CDCA2: variants seen among roughly 807,000 people sequenced by gnomAD.
CDCA2 encodes the protein cell division cycle associated 2, also known as cell division cycle-associated protein 2.
CDCA2 carries 44 observed loss-of-function variants against 67.0 expected under a neutral mutation model. The ratio of observed to expected loss-of-function variants is 0.66; its 90% CI spans 0.52 to 0.84. The LOEUF is 0.84. Among genes scored for constraint, CDCA2 ranks in the 40% least tolerant of loss-of-function variants. The probability of loss-of-function intolerance (pLI) is 0.00; values close to 1 mark genes in which losing one functional copy is unlikely to be tolerated. For missense variants in CDCA2, 1,253 were observed against 1,203.2 expected (o/e 1.04, Z -0.61); for synonymous variants, 447 against 418.7 (o/e 1.07, Z -0.82).
At chr8:25,475,690 A>G (rs2117501470) in intron 7 of CDCA2, among the ~76,000 whole-genome samples, 1 of 152,236 alleles carries the variant, frequency 6.6e-6, no homozygotes, top group East Asian at 1.9e-4. Context: ...GGGAAGCTGG[A>G]CAGGGATTTT....
intron 13 of CDCA2, among the ~76,000 whole-genome samples, chr8:25,491,745 T>A (rs1563277907): frequency 6.6e-6 from 1 of 152,058 alleles, no homozygotes; most frequent in Non-Finnish European, 1.5e-5. Context: ...GCCTCTTGAG[T>A]AGCTGGGACT....
intron 14 of CDCA2, among the ~76,000 whole-genome samples, chr8:25,503,787 G>A (rs1346812664): frequency 6.6e-6 from 1 of 152,168 alleles, no homozygotes; most frequent in Non-Finnish European, 1.5e-5. Flanking sequence ...GGAAAACCGA[G>A]ACACAAGATT....
Position 25,461,322 on chromosome 8 carries a change from C to T in CDCA2, c.233-732C>T, listed in dbSNP as rs188171903. Among the ~76,000 whole-genome samples, 402 of 150,502 alleles carry T rather than the reference C, an allele frequency of 2.7e-3. 4 individuals are homozygous for T. The highest frequency in any genetic ancestry group is 0.014 in the Middle Eastern group (4 of 280). ...ACAGAAGATTGATTCTGGCTAATGT[C>T]CTTCGAGCAGTAGAAATGAAGTTTA... On this transcript the variant is annotated intron_variant, in intron 3 of 14. Transcript: ENST00000330560.
In CDCA2 at chr8:25,506,595, A is replaced by C; in HGVS notation, c.1929A>C (p.Pro643=). 6.2e-7 allele frequency: 1 copy of C among 1,608,282 alleles called. No homozygotes were observed. Among genetic ancestry groups the C allele is most frequent in the Non-Finnish European group, 8.5e-7 (1 of 1,178,696 alleles). ...VKRKDLLRHD[P]DLHMHQGYDK... is the part of the protein sequence containing the mutation. ...GAAAGGATCTTTTGCGTCATGACCC[A>C]GATTTGCATATGCATCAAGGCTATG... The change falls in exon 15 of 15, where the codon CCA becomes CCC. Residue 643 remains proline, a synonymous_variant. Coordinates refer to ENST00000330560, the MANE Select transcript of CDCA2 (RefSeq NM_152562.4).
intron 5 of CDCA2, among the ~76,000 whole-genome samples, chr8:25,467,064 A>AAAC (rs1381500818): frequency 7.1e-6 from 1 of 140,410 alleles, no homozygotes. Context: ...AAAAAAAAAA[A>AAAC]AACACACACA....
intron 4 of CDCA2, among the ~76,000 whole-genome samples, chr8:25,464,124 A>G (rs1434028371): frequency 1.3e-5 from 2 of 152,208 alleles, no homozygotes; most frequent in Admixed American, 6.5e-5. Context: ...TCTAAACGGT[A>G]ATTTCCCTGG....
intron 4 of CDCA2, among the ~76,000 whole-genome samples, chr8:25,464,454 C>G (rs1802820956): frequency 6.6e-6 from 1 of 152,140 alleles, no homozygotes; most frequent in Admixed American, 6.5e-5. Flanking sequence ...TCCTGAGCCC[C>G]TCAAACAGTT....
intron 7 of CDCA2, among the ~76,000 whole-genome samples, chr8:25,471,084 A>T (rs995925341): frequency 6.6e-6 from 1 of 152,154 alleles, no homozygotes; most frequent in Non-Finnish European, 1.5e-5. Context: ...TGTGCTTTAA[A>T]TAGGTTAAGA....
chr8:25,468,556 T>TGTGTGTGTGTGTGC (rs1488757943), intron 6 of CDCA2, 143 bp downstream of exon 6: 2 of 494,158 alleles, frequency 4.0e-6, no homozygotes, highest in South Asian at 3.4e-5. Context: ...TGTGTGTGTG[T>TGTGTGTGTGTGTGC]GCGTGTGTGT....
Position 25,468,532 on chromosome 8 carries a change from G to GGTGTTGTGTGT in CDCA2, c.735+123_735+124insTGTGTGTGTGT. 4 of 423,122 alleles carry GGTGTTGTGTGT rather than the reference G, an allele frequency of 9.5e-6. No individual in the cohort carries two copies. In the East Asian group the frequency reaches 1.1e-4, roughly 12 times the overall value. 26.2% of individuals were successfully genotyped at this position (423,122 alleles called of 1,614,324 possible). On this transcript the variant is annotated intron_variant, in intron 6 of 14. Coordinates refer to ENST00000330560, the MANE Select transcript of CDCA2 (RefSeq NM_152562.4). The stretch of plus-strand genomic sequence containing the variant: ...CCTTGTTCTGCCCTGTGGTTCCTGG[G>GGTGTTGTGTGT]GTGTGTGTGTGTGTGTGTGTGTGTG...
rs548034074 is a variant in CDCA2 at position 25,463,727 on chromosome 8, C to T, written c.387+1519C>T. Among the ~76,000 whole-genome samples the T allele has an allele frequency of 1.5e-3, 223 of 152,272 alleles. 1 individual carries two copies. The highest frequency in any genetic ancestry group is 5.2e-3 in the African/African-American group (216 of 41,558). ...AGAGGCATTCATTTAAAGTAGAAAT[C>T]GAATCATTCACCCGGCTGCTCAGAA... On this transcript the variant is annotated intron_variant, in intron 4 of 14. Transcript: ENST00000330560.
chr8:25,482,404 A>G (rs571957111), intron 8 of CDCA2, among the ~76,000 whole-genome samples: 46 of 152,282 alleles, frequency 3.0e-4, no homozygotes, highest in African/African-American at 1.1e-3. Flanking sequence ...CTCATCTGAC[A>G]CCATATATGG....
chr8:25,468,715 T>A (rs1042485012), intron 6 of CDCA2, among the ~76,000 whole-genome samples: 2 of 152,192 alleles, frequency 1.3e-5, no homozygotes, highest in Admixed American at 1.3e-4. Flanking sequence ...TAGAGGGTGA[T>A]GCTCCAAGAA....
chr8:25,491,606 A>G (rs1804005358), intron 13 of CDCA2, among the ~76,000 whole-genome samples: 1 of 152,080 alleles, frequency 6.6e-6, no homozygotes, highest in Non-Finnish European at 1.5e-5. Context: ...AAGACATTTG[A>G]GTGTTTCTTT....
In CDCA2 at chr8:25,469,936, T is replaced by G. The variant is rs759882033; in HGVS notation, c.776T>G (p.Val259Gly). Residue 259 changes from valine (V) to glycine (G), a missense_variant, in exon 7 of 15, where the codon GTT (valine) becomes GGT (glycine). Physicochemically the swap from Val to Gly is moderately radical, Grantham distance 109. Coordinates refer to ENST00000330560, the MANE Select transcript of CDCA2 (RefSeq NM_152562.4). ...GGTTCAACACAGTCTGGATTTTTAG[T>G]TGAAGAGTCTCTTCCCCTTTCAGAG... ...KLGSTQSGFL[V>G]EESLPLSELT... is the part of the protein sequence containing the mutation. 4 of 1,612,168 alleles carry G rather than the reference T, an allele frequency of 2.5e-6. No homozygotes were observed. In the South Asian group the frequency reaches 4.4e-5, roughly 18 times the overall value.
intron 5 of CDCA2, among the ~76,000 whole-genome samples, 168 bp downstream of exon 5, chr8:25,466,493 G>C (rs1346467012): frequency 6.6e-6 from 1 of 151,988 alleles, no homozygotes; most frequent in Non-Finnish European, 1.5e-5. Context: ...AAGGATTTCT[G>C]GTTTCTCTTA....
chr8:25,478,213 A>G (rs1446294756), intron 7 of CDCA2, among the ~76,000 whole-genome samples: 2 of 152,096 alleles, frequency 1.3e-5, no homozygotes, highest in East Asian at 3.9e-4. Context: ...TACAGATGTG[A>G]GCCACTGCAC....
intron 3 of CDCA2, among the ~76,000 whole-genome samples, chr8:25,461,695 G>T (rs570077215): frequency 1.3e-5 from 2 of 151,948 alleles, no homozygotes; most frequent in African/African-American, 2.4e-5. Context: ...CAGTTGCTGG[G>T]GATAAAACTG....
At chr8:25,505,303 G>A (rs115885057) in intron 14 of CDCA2, among the ~76,000 whole-genome samples, 3,366 of 152,246 alleles carry the variant, frequency 0.022, 128 homozygotes, top group African/African-American at 0.077. Flanking sequence ...CTGGGTACCA[G>A]CAATTCTCCT....
Sources: gnomAD v4.1 joint callset for allele counts (sites outside exome capture counted in the v4.1 genomes callset) on GRCh38, gnomAD v4.1.1 for gene constraint, MANE v1.5 for transcripts, NCBI Gene and HGNC (gene_info 2026-07-23, HGNC 2026-07-21) for gene names.